The following ADCY5 variants were observed in gnomAD, a reference collection of about 807,000 sequenced individuals.
ADCY5 encodes the protein adenylate cyclase 5.
In ADCY5, 30 loss-of-function variants were observed where a neutral mutation model predicts 119.7. The ratio of observed to expected loss-of-function variants is 0.25; its 90% CI spans 0.19 to 0.34. The LOEUF is 0.34. ADCY5 is among the 10% of genes least tolerant of loss of function. The probability of loss-of-function intolerance (pLI) is 1.00; values close to 1 mark genes in which losing one functional copy is unlikely to be tolerated. For missense variants in ADCY5, 1,324 were observed against 1,775.2 expected (o/e 0.75, Z 4.57); for synonymous variants, 753 against 762.2 (o/e 0.99, Z 0.20).
At chr3:123,332,707 T>C (rs773461921) in intron 3 of ADCY5, 32 bp from the exon 4 acceptor site, 2 of 1,403,372 alleles carry the variant, frequency 1.4e-6, no homozygotes, top group Non-Finnish European at 2.0e-6. Context: ...AAGACCCTGC[T>C]ATAGGCTGAA....
chr3:123,313,653 G>A (rs1940714332), intron 12 of ADCY5, among the ~76,000 whole-genome samples: 1 of 152,174 alleles, frequency 6.6e-6, no homozygotes, highest in Non-Finnish European at 1.5e-5. Flanking sequence ...CTGGACAGGG[G>A]ACACAGCACA....
intron 3 of ADCY5, among the ~76,000 whole-genome samples, chr3:123,345,256 G>A (rs945460757): frequency 6.6e-6 from 1 of 152,230 alleles, no homozygotes; most frequent in Non-Finnish European, 1.5e-5. Flanking sequence ...TGGGAGAAGA[G>A]ATGGTGAGAG....
intron 1 of ADCY5, among the ~76,000 whole-genome samples, chr3:123,390,010 C>T (rs540182206): frequency 6.6e-6 from 1 of 152,254 alleles, no homozygotes; most frequent in South Asian, 2.1e-4. Flanking sequence ...CCTACAGGGC[C>T]TGTACAGGGC....
chr3:123,310,961 A>C (rs2108301634), intron 12 of ADCY5, among the ~76,000 whole-genome samples: 1 of 152,322 alleles, frequency 6.6e-6, no homozygotes, highest in Non-Finnish European at 1.5e-5. Context: ...AAAACCCGGA[A>C]AGAACCAGGG....
At chr3:123,434,968 C>T (rs150628324) in intron 1 of ADCY5, among the ~76,000 whole-genome samples, 10 of 152,254 alleles carry the variant, frequency 6.6e-5, no homozygotes, top group African/African-American at 2.4e-4. Flanking sequence ...TGGGTATATG[C>T]CACACACAGT....
intron 8 of ADCY5, among the ~76,000 whole-genome samples, chr3:123,321,826 G>A: frequency 6.6e-6 from 1 of 152,208 alleles, no homozygotes; most frequent in East Asian, 1.9e-4. Flanking sequence ...GGCCCTGGTG[G>A]TACAGAGGCT....
At chr3:123,325,555 GC>G (rs1490777737) in intron 7 of ADCY5, 93 bp from the exon 8 acceptor site, 1 of 1,508,630 alleles carries the variant, frequency 6.6e-7, no homozygotes, top group African/African-American at 1.4e-5. Flanking sequence ...CAGGTAAGGG[GC>G]TAAGGCAGCT....
rs756172692 is a variant in ADCY5, at chr3:123,448,367, G to GC, written c.178dup (p.Ala60GlyfsTer27). On this transcript the variant is annotated frameshift_variant, in exon 1 of 21. Coordinates refer to ENST00000462833, the MANE Select transcript of ADCY5 (RefSeq NM_183357.3). LOFTEE classifies it high-confidence loss of function. ...GCGCTGCTGCTGCTGCGGGGTCACC[G>GC]CCCCCCCGGGTTTCTTGGTGGAGCC... 46 of 1,487,058 alleles carry GC rather than the reference G, an allele frequency of 3.1e-5. No homozygotes were observed. The highest frequency in any genetic ancestry group is 7.0e-5 in the Admixed American group (3 of 42,774). The allele number at this position is 1,487,058 out of a possible 1,614,324, so 92.1% of individuals were successfully genotyped here.
chr3:123,420,810 G>A (rs1411196998), intron 1 of ADCY5, among the ~76,000 whole-genome samples: 1 of 152,196 alleles, frequency 6.6e-6, no homozygotes, highest in East Asian at 1.9e-4. Context: ...AGTTCTGAAG[G>A]CCAGAAGTCC....
intron 9 of ADCY5, among the ~76,000 whole-genome samples, chr3:123,320,547 G>T (rs1183479909): frequency 6.6e-6 from 1 of 152,230 alleles, no homozygotes; most frequent in African/African-American, 2.4e-5. Flanking sequence ...CCTTCTGCTG[G>T]GTGGCCTGGG....
chr3:123,324,817 C>T (rs1041595230), intron 8 of ADCY5, among the ~76,000 whole-genome samples: 1 of 152,230 alleles, frequency 6.6e-6, no homozygotes, highest in African/African-American at 2.4e-5. Context: ...TTTCTCAGCA[C>T]AGAGGGCAAA....
intron 1 of ADCY5, among the ~76,000 whole-genome samples, chr3:123,423,070 C>T (rs1480095525): frequency 6.6e-6 from 1 of 152,156 alleles, no homozygotes; most frequent in African/African-American, 2.4e-5. Flanking sequence ...ACCCTGGCCC[C>T]GGGCTCAGGA....
chr3:123,289,507 C>T (rs1939003991), intron 19 of ADCY5, among the ~76,000 whole-genome samples: 1 of 152,262 alleles, frequency 6.6e-6, no homozygotes, highest in Non-Finnish European at 1.5e-5. Context: ...GTGTCCTACC[C>T]ATGTGGCCCT....
intron 1 of ADCY5, among the ~76,000 whole-genome samples, chr3:123,385,229 C>A (rs1944178676): frequency 6.6e-6 from 1 of 152,092 alleles, no homozygotes. Flanking sequence ...CACACATTCA[C>A]ACTGCAGGGG....
At chr3:123,396,880 C>G (rs1422114050) in intron 1 of ADCY5, among the ~76,000 whole-genome samples, 1 of 149,222 alleles carries the variant, frequency 6.7e-6, no homozygotes, top group Non-Finnish European at 1.5e-5. Flanking sequence ...GGATCACGGG[C>G]CCTGCTTTCT....
chr3:123,290,518 C>A (rs531394912), intron 18 of ADCY5, among the ~76,000 whole-genome samples: 1 of 152,376 alleles, frequency 6.6e-6, no homozygotes, highest in East Asian at 1.9e-4. Flanking sequence ...CAGGAGCTCC[C>A]AGGGTCAAGA....
At chr3:123,344,706 C>T (rs766667427) in intron 3 of ADCY5, among the ~76,000 whole-genome samples, 2 of 152,184 alleles carry the variant, frequency 1.3e-5, no homozygotes, top group Non-Finnish European at 2.9e-5. Context: ...TGTCACCCCC[C>T]ATCTCCTACT....
At chr3:123,319,884 T>C (rs1045915484) in intron 9 of ADCY5, 66 bp from the exon 10 acceptor site, 1 of 1,580,778 alleles carries the variant, frequency 6.3e-7, no homozygotes, top group African/African-American at 1.3e-5. Flanking sequence ...GGGCTGGCTC[T>C]TCCGACCATC....
chr3:123,397,941 G>C (rs1416551690), intron 1 of ADCY5, among the ~76,000 whole-genome samples: 2 of 152,194 alleles, frequency 1.3e-5, no homozygotes, highest in African/African-American at 4.8e-5. Context: ...AGAGTAAAGA[G>C]AGGACCAAGA....
Sources: allele counts gnomAD v4.1 joint callset (sites outside exome capture counted in the v4.1 genomes callset), GRCh38; gene constraint gnomAD v4.1.1; transcripts MANE v1.5; gene names NCBI Gene and HGNC (gene_info 2026-07-23, HGNC 2026-07-21).